The following ATAD2 variants were observed in gnomAD, a reference collection of about 807,000 sequenced individuals.
The protein encoded by ATAD2 is ATPase family AAA domain containing 2, also known as ATPase family AAA domain-containing protein 2.
Under a neutral mutation model 168.9 loss-of-function variants are expected in ATAD2, and 62 were observed. The ratio of observed to expected loss-of-function variants is 0.37; its 90% CI spans 0.30 to 0.45. The LOEUF (loss-of-function observed/expected upper bound fraction) is 0.45, where lower values mean the gene tolerates loss of function less well. Among genes scored for constraint, ATAD2 ranks in the 20% least tolerant of loss-of-function variants. ATAD2 has a pLI of 1.00. For missense variants in ATAD2, 1,419 were observed against 1,667.8 expected (o/e 0.85, Z 2.60); for synonymous variants, 613 against 571.6 (o/e 1.07, Z -1.03).
chr8:123,393,549 G>A (rs553673231), intron 1 of ATAD2, among the ~76,000 whole-genome samples: 1 of 151,916 alleles, frequency 6.6e-6, no homozygotes, highest in East Asian at 1.9e-4. Flanking sequence ...ACTGACTGTT[G>A]AGGGAAGGTG....
rs1444109291 is a variant in ATAD2, at chr8:123,328,258, T to C, written c.3800A>G (p.Lys1267Arg). The C allele has an allele frequency of 3.3e-6, 5 of 1,528,454 alleles. No homozygotes were observed. The East Asian group carries it at 9.6e-5, about 29-fold the overall frequency. 94.7% of individuals were successfully genotyped at this position (1,528,454 alleles called of 1,614,324 possible). ...AGAAGCATCTCCATTACAAGCAATCTTGTCTCTCAATTCTGTACATGCTGT... is the reference window on the plus strand; with the variant it reads ...AGAAGCATCTCCATTACAAGCAATCCTGTCTCTCAATTCTGTACATGCTGT... ...KTTACTELRD[K>R]IACNGDASSS... The change falls in exon 25 of 28, where the codon AAG becomes AGG. Residue 1267 changes from lysine (K) to arginine (R), a missense_variant. Coordinates refer to ENST00000287394, the MANE Select transcript of ATAD2 (RefSeq NM_014109.4).
At chr8:123,321,959 A>C (rs1214274516) in intron 27 of ATAD2, among the ~76,000 whole-genome samples, 1 of 150,812 alleles carries the variant, frequency 6.6e-6, no homozygotes, top group Non-Finnish European at 1.5e-5. Flanking sequence ...TATAATACCT[A>C]CTATAAAGGA....
chr8:123,380,724 T>A, intron 1 of ATAD2, 47 bp from the exon 2 acceptor site: 2 of 1,569,924 alleles, frequency 1.3e-6, no homozygotes, highest in Non-Finnish European at 1.7e-6. Context: ...TTTACAAAAC[T>A]CCAATTTAAA....
chr8:123,407,148 G>A (rs1489659325), intron 1 of ATAD2, among the ~76,000 whole-genome samples: 2 of 152,310 alleles, frequency 1.3e-5, no homozygotes, highest in South Asian at 2.1e-4. Flanking sequence ...ACCACTGCAA[G>A]CCAGGAGAGA....
intron 13 of ATAD2, among the ~76,000 whole-genome samples, chr8:123,352,978 G>T (rs1209249304): frequency 1.3e-5 from 2 of 152,132 alleles, no homozygotes; most frequent in Non-Finnish European, 2.9e-5. Context: ...GAGGTGGGAA[G>T]ATTGCTTGAG....
At chr8:123,324,394 C>T (rs1215055896) in intron 26 of ATAD2, among the ~76,000 whole-genome samples, 1 of 152,070 alleles carries the variant, frequency 6.6e-6, no homozygotes, top group Admixed American at 6.5e-5. Flanking sequence ...CAAAATAAAA[C>T]AGGTAAATTG....
At position 123,370,173 on chromosome 8, in the gene ATAD2, C is replaced by T. The variant is rs928869853; in HGVS notation, c.728-149G>A. 21 of 698,952 alleles carry T rather than the reference C, an allele frequency of 3.0e-5. 1 individual carries two copies. The highest frequency in any genetic ancestry group is 2.6e-4 in the South Asian group (13 of 50,772). The allele number at this position is 698,952 out of a possible 1,614,324, so 43.3% of individuals were successfully genotyped here. On this transcript the variant is annotated intron_variant, in intron 6 of 27. Transcript: ENST00000287394. Reference sequence around the variant, plus strand: ...AACAACAAAAAAAAACCAAACTTATCTACTCCTAGATTGTTCATGGGAAGT... The same window carrying T: ...AACAACAAAAAAAAACCAAACTTATTTACTCCTAGATTGTTCATGGGAAGT...
At position 123,387,664 on chromosome 8, in the gene ATAD2, GA is replaced by G. The variant is rs534349875; in HGVS notation, c.172-6988del. ...TAGTTCTTTAAAAGTGAAGTTTTAA[GA>G]GAGGAAATGTTAGTATTTTGTTAAA... is the stretch of plus-strand genomic sequence containing the variant. On this transcript the variant is annotated intron_variant, in intron 1 of 27. Coordinates refer to ENST00000287394, the MANE Select transcript of ATAD2 (RefSeq NM_014109.4). Among the ~76,000 whole-genome samples the G allele has an allele frequency of 7.6e-4, 116 of 152,272 alleles. 1 individual carries two copies. Among genetic ancestry groups the G allele is most frequent in the South Asian group, 5.8e-3 (28 of 4,824 alleles).
At chr8:123,371,040 A>G (rs775860000) in intron 5 of ATAD2, 50 bp from the exon 6 acceptor site, 7 of 1,397,246 alleles carry the variant, frequency 5.0e-6, no homozygotes, top group Non-Finnish European at 6.8e-6. Context: ...TATTTATTAA[A>G]AAAATTAAGT....
At chr8:123,324,567 G>A (rs1428370402) in intron 26 of ATAD2, among the ~76,000 whole-genome samples, 2 of 152,146 alleles carry the variant, frequency 1.3e-5, no homozygotes, top group African/African-American at 2.4e-5. Flanking sequence ...TAGGTTCACC[G>A]TTACAGAGGT....
Position 123,371,287 on chromosome 8 carries a change from T to C in ATAD2, c.588A>G (p.Arg196=). ...AGTCTTCAAGTTCTCTCATTCGCTGTCTACGCATCTTCTTCATGTCATCCA... is the reference window on the plus strand; with the variant it reads ...AGTCTTCAAGTTCTCTCATTCGCTGCCTACGCATCTTCTTCATGTCATCCA... ...QKMDDMKKMR[R]QRMRELEDLG... is the part of the protein sequence containing the mutation. The change falls in exon 5 of 28, where the codon AGA becomes AGG. Residue 196 remains arginine (R), a synonymous_variant. Coordinates refer to ENST00000287394, the MANE Select transcript of ATAD2 (RefSeq NM_014109.4). 6.2e-7 allele frequency: 1 copy of C among 1,610,294 alleles called. No individual in the cohort carries two copies. The highest frequency in any genetic ancestry group is 8.5e-7 in the Non-Finnish European group (1 of 1,178,576).
At position 123,369,906 on chromosome 8, in the gene ATAD2, ATCT is replaced by A. The variant is rs773001672; in HGVS notation, c.843_845del (p.Glu281del). 28 of 1,580,534 alleles carry A rather than the reference ATCT, an allele frequency of 1.8e-5. No homozygotes were observed. In the South Asian group the frequency reaches 2.2e-4, roughly 12 times the overall value. ...GATTCTCTTCTTCTCCATCTTCTTCATCTTCATCATCTTCATCATCATCATCAT... is the reference window on the plus strand; with the variant it reads ...GATTCTCTTCTTCTCCATCTTCTTCATCATCATCTTCATCATCATCATCAT... On this transcript the variant is annotated inframe_deletion, in exon 7 of 28. Coordinates refer to ENST00000287394, the MANE Select transcript of ATAD2 (RefSeq NM_014109.4).
At chr8:123,399,059 G>C (rs1812964058), upstream of ATAD2, among the ~76,000 whole-genome samples, 1 of 151,688 alleles carries the variant, frequency 6.6e-6, no homozygotes, top group African/African-American at 2.4e-5. Flanking sequence ...TCAAGAGATT[G>C]AGACCATCTT....
upstream of ATAD2, chr8:123,396,472 GC>G (rs1812839491): frequency 8.5e-7 from 1 of 1,176,078 alleles, no homozygotes; most frequent in African/African-American, 1.6e-5. Context: ...CGCGCCAGCG[GC>G]CGCAGCGCGC....
intron 1 of ATAD2, among the ~76,000 whole-genome samples, chr8:123,410,918 C>T (rs1051891055): frequency 6.6e-6 from 1 of 152,208 alleles, no homozygotes; most frequent in African/African-American, 2.4e-5. Flanking sequence ...TGGCTAAGTG[C>T]CCGGGTTCAT....
At position 123,369,851 on chromosome 8, in the gene ATAD2, C is replaced by G; in HGVS notation, c.901G>C (p.Ala301Pro). ...QKRYYLRQRK[A>P]TVYYQAPLEK... ...AATGGAGCCTGATAGTAAACAGTAGCTTTTCTCTGTCTAAGATAATATCGC... is the reference window on the plus strand; with the variant it reads ...AATGGAGCCTGATAGTAAACAGTAGGTTTTCTCTGTCTAAGATAATATCGC... The change falls in exon 7 of 28, where the codon GCT becomes CCT. Residue 301 changes from alanine to proline, a missense_variant. Physicochemically the swap from Ala to Pro is conservative, Grantham distance 27. Around this residue, in one of 5 missense-constraint regions of ATAD2, gnomAD observed 419 missense variants for 423.5 expected, o/e 0.99. Coordinates refer to ENST00000287394, the MANE Select transcript of ATAD2 (RefSeq NM_014109.4). 1.2e-6 allele frequency: 2 copies of G among 1,612,062 alleles called. No individual in the cohort carries two copies. The highest frequency in any genetic ancestry group is 1.1e-5 in the South Asian group (1 of 91,024).
intron 9 of ATAD2, among the ~76,000 whole-genome samples, 194 bp from the exon 10 acceptor site, chr8:123,359,879 G>A (rs1828762018): frequency 6.6e-6 from 1 of 151,996 alleles, no homozygotes; most frequent in African/African-American, 2.4e-5. Flanking sequence ...ATTTATATCT[G>A]AAGCTTTATT....
intron 2 of ATAD2, among the ~76,000 whole-genome samples, chr8:123,373,893 C>T (rs1463955280): frequency 6.6e-6 from 1 of 151,812 alleles, no homozygotes; most frequent in Non-Finnish European, 1.5e-5. Flanking sequence ...TGTTAATCAA[C>T]CTATGTATCA....
At chr8:123,326,114 GCATGTTTACTAAGGA>G (rs1300788832) in intron 25 of ATAD2, 88 bp from the exon 26 acceptor site, 77 of 1,371,868 alleles carry the variant, frequency 5.6e-5, no homozygotes, top group Non-Finnish European at 7.4e-5. Flanking sequence ...ATTAAACAGG[GCATGTTTACTAAGGA>G]CATAAACAGC....
Sources: allele counts gnomAD v4.1 joint callset (sites outside exome capture counted in the v4.1 genomes callset), GRCh38; gene constraint gnomAD v4.1.1; regional missense constraint gnomAD v4.1.1; transcripts MANE v1.5; gene names NCBI Gene and HGNC (gene_info 2026-07-23, HGNC 2026-07-21).